The following LRRC4C variants were observed in gnomAD, a reference collection of about 807,000 sequenced individuals.
LRRC4C encodes the protein leucine rich repeat containing 4C, also known as leucine-rich repeat-containing protein 4C.
LRRC4C carries 5 observed loss-of-function variants against 33.6 expected under a neutral mutation model. That is an observed-to-expected ratio of 0.15 (90% CI 0.08 to 0.31). The LOEUF is 0.31. Among genes scored for constraint, LRRC4C ranks in the 10% least tolerant of loss-of-function variants. The pLI is 1.00. For missense variants in LRRC4C, 560 were observed against 796.7 expected, an observed-to-expected ratio of 0.70 and a Z score of 3.58; for synonymous variants, 329 against 302.0, an observed-to-expected ratio of 1.09 and a Z score of -0.93.
chr11:40,384,293 G>A (rs1456213312), intron 3 of LRRC4C, among the ~76,000 whole-genome samples: 4 of 152,050 alleles, frequency 2.6e-5, no homozygotes, highest in Admixed American at 2.6e-4. Context: ...ATTAGAGTAA[G>A]AAAGGGAGTA....
chr11:40,738,264 T>G (rs894237539), intron 2 of LRRC4C, among the ~76,000 whole-genome samples: 5 of 152,076 alleles, frequency 3.3e-5, no homozygotes, highest in Non-Finnish European at 4.4e-5. Flanking sequence ...GCTCCTCTTT[T>G]TCTGAGGCTT....
intron 5 of LRRC4C, among the ~76,000 whole-genome samples, chr11:40,153,144 C>G (rs1002992642): frequency 6.6e-6 from 1 of 152,164 alleles, no homozygotes; most frequent in Non-Finnish European, 1.5e-5. Flanking sequence ...CAGTACCAGC[C>G]TGGAGCCGAG....
chr11:41,222,585 G>A (rs1947354681), intron 1 of LRRC4C, among the ~76,000 whole-genome samples: 1 of 152,122 alleles, frequency 6.6e-6, no homozygotes, highest in Non-Finnish European at 1.5e-5. Flanking sequence ...AAATGCTGCG[G>A]TGGAAGATCA....
chr11:40,366,001 A>C (rs1396111365), intron 3 of LRRC4C, among the ~76,000 whole-genome samples: 8 of 152,072 alleles, frequency 5.3e-5, no homozygotes, highest in African/African-American at 1.9e-4. Context: ...TGGGGTATAC[A>C]GAATGTTATG....
intron 2 of LRRC4C, among the ~76,000 whole-genome samples, chr11:40,718,706 C>T (rs190825198): frequency 2.6e-5 from 4 of 152,238 alleles, no homozygotes; most frequent in Non-Finnish European, 4.4e-5. Context: ...AATAAGCAAG[C>T]GCTCACAAAA....
chr11:40,314,407 C>G (rs1303640041), intron 4 of LRRC4C, among the ~76,000 whole-genome samples: 1 of 151,916 alleles, frequency 6.6e-6, no homozygotes, highest in Non-Finnish European at 1.5e-5. Context: ...AAAACAAATG[C>G]TAGGGAGGCT....
In LRRC4C at chr11:41,215,014, GTATATA is replaced by G. The variant is rs34328057; in HGVS notation, c.-496+244411_-496+244416del. ...TTCTCAATTTCTATTTTTTATTCAT[GTATATA>G]TATATATATATATATATATCACATT... On this transcript the variant is annotated intron_variant, in intron 1 of 6. Coordinates refer to ENST00000528697, the MANE Select transcript of LRRC4C (RefSeq NM_001258419.2). Among the ~76,000 whole-genome samples, 1,187 of 131,074 alleles carry G rather than the reference GTATATA, an allele frequency of 9.1e-3. 11 individuals are homozygous for G. Among genetic ancestry groups the G allele is most frequent in the African/African-American group, 0.027 (951 of 34,584 alleles). The allele number at this position is 131,074 out of a possible 152,430, so 86.0% of individuals were successfully genotyped here. A position where few individuals can be genotyped will look rare whatever the true frequency, so the allele number is the denominator to read the frequency against.
At chr11:40,848,429 T>C (rs1953306415) in intron 2 of LRRC4C, among the ~76,000 whole-genome samples, 1 of 152,050 alleles carries the variant, frequency 6.6e-6, no homozygotes, top group African/African-American at 2.4e-5. Flanking sequence ...CAGTAGGAGG[T>C]TTTTCAGTTT....
chr11:40,663,881 A>C (rs1495300), intron 2 of LRRC4C, among the ~76,000 whole-genome samples: 2 of 151,998 alleles, frequency 1.3e-5, no homozygotes, highest in Non-Finnish European at 1.5e-5. Context: ...CATCAAAATG[A>C]TTGCAGAAAT....
At chr11:40,903,612 G>A (rs1482110337) in intron 2 of LRRC4C, among the ~76,000 whole-genome samples, 1 of 152,128 alleles carries the variant, frequency 6.6e-6, no homozygotes, top group Non-Finnish European at 1.5e-5. Flanking sequence ...ATAGGAAGAG[G>A]TCAAACTATC....
At chr11:41,082,592 T>G (rs1318057642) in intron 1 of LRRC4C, among the ~76,000 whole-genome samples, 1 of 152,182 alleles carries the variant, frequency 6.6e-6, no homozygotes, top group Non-Finnish European at 1.5e-5. Context: ...ACTTCTATTT[T>G]GTGATGGCAA....
chr11:40,854,124 G>A (rs766153558), intron 2 of LRRC4C, among the ~76,000 whole-genome samples: 16 of 152,144 alleles, frequency 1.1e-4, no homozygotes, highest in Non-Finnish European at 2.2e-4. Flanking sequence ...ATTAGGAAAT[G>A]GGTAAAGAAT....
At chr11:40,630,008 C>T (rs1225816070) in intron 3 of LRRC4C, among the ~76,000 whole-genome samples, 1 of 152,002 alleles carries the variant, frequency 6.6e-6, no homozygotes, top group Non-Finnish European at 1.5e-5. Context: ...TAATTAATCT[C>T]TAAAATCTAT....
At chr11:40,702,047 C>T (rs1945886284) in intron 2 of LRRC4C, among the ~76,000 whole-genome samples, 1 of 151,910 alleles carries the variant, frequency 6.6e-6, no homozygotes, top group African/African-American at 2.4e-5. Flanking sequence ...AATAGTCATA[C>T]ATAAAATTAT....
chr11:40,483,742 T>C (rs554594109), intron 3 of LRRC4C, among the ~76,000 whole-genome samples: 1 of 150,958 alleles, frequency 6.6e-6, no homozygotes, highest in South Asian at 2.1e-4. Flanking sequence ...TTTTTAAATG[T>C]AATTTAATGT....
chr11:40,780,029 G>T (rs923375847), intron 2 of LRRC4C, among the ~76,000 whole-genome samples: 1 of 152,072 alleles, frequency 6.6e-6, no homozygotes, highest in Non-Finnish European at 1.5e-5. Context: ...AGAATGGTTC[G>T]ATTTCTTCAT....
intron 4 of LRRC4C, among the ~76,000 whole-genome samples, chr11:40,302,842 T>G (rs1196072576): frequency 6.6e-6 from 1 of 151,976 alleles, no homozygotes; most frequent in Non-Finnish European, 1.5e-5. Context: ...CAGCATGGAG[T>G]CGAGCCAAGA....
intron 1 of LRRC4C, among the ~76,000 whole-genome samples, chr11:41,032,493 A>C (rs1590299130): frequency 1.3e-5 from 2 of 151,958 alleles, no homozygotes; most frequent in East Asian, 3.9e-4. Flanking sequence ...TAACATTTCT[A>C]CTGTGATAAA....
intron 1 of LRRC4C, among the ~76,000 whole-genome samples, chr11:40,985,252 A>C (rs1316277518): frequency 1.3e-5 from 2 of 152,148 alleles, no homozygotes; most frequent in Non-Finnish European, 2.9e-5. Context: ...TACAGAAAGA[A>C]TGGCCAGTCA....
Sources: gnomAD v4.1 joint callset for allele counts (sites outside exome capture counted in the v4.1 genomes callset) on GRCh38, gnomAD v4.1.1 for gene constraint, MANE v1.5 for transcripts, NCBI Gene and HGNC (gene_info 2026-07-23, HGNC 2026-07-21) for gene names.